PKIA: variants seen among roughly 807,000 people sequenced by gnomAD.
PKIA encodes PKI-alpha.
Under a neutral mutation model 7.6 loss-of-function variants are expected in PKIA, and 4 were observed. The ratio of observed to expected loss-of-function variants is 0.52; its 90% CI spans 0.26 to 1.20. The LOEUF (loss-of-function observed/expected upper bound fraction) is 1.20, where lower values mean the gene tolerates loss of function less well. PKIA is among the 50% of genes most tolerant of loss of function. The pLI is 0.13. For synonymous variants in PKIA, 21 were observed against 30.7 expected, an observed-to-expected ratio of 0.68 and a Z score of 1.04; for missense variants, 73 against 86.2, an observed-to-expected ratio of 0.85 and a Z score of 0.61.
intron 1 of PKIA, among the ~76,000 whole-genome samples, chr8:78,517,487 T>C (rs1376053746): frequency 6.6e-6 from 1 of 152,204 alleles, no homozygotes; most frequent in Non-Finnish European, 1.5e-5. Context: ...AGCTAGCTGT[T>C]AAGATTTGGG....
chr8:78,557,413 A>G (rs1807166183), intron 1 of PKIA, among the ~76,000 whole-genome samples: 1 of 152,210 alleles, frequency 6.6e-6, no homozygotes, highest in African/African-American at 2.4e-5. Context: ...ACCAAAAAGA[A>G]TAATGACATT....
rs1808441039 is a variant in PKIA, at chr8:78,605,043, G to A, written c.*3222G>A. On this transcript the variant is annotated 3_prime_UTR_variant, in exon 4 of 4. Transcript: ENST00000396418. ...AACTGCCGGGCAGCAAAGCTTCTAA[G>A]TGAAACCTGTAGTAGCAGTAGTAGT... The A allele has an allele frequency of 1.3e-5, 2 of 151,978 alleles. No homozygotes were observed. Among genetic ancestry groups the A allele is most frequent in the Non-Finnish European group, 2.9e-5 (2 of 67,962 alleles). The allele number at this position is 151,978 out of a possible 1,614,324, so 9.4% of individuals were successfully genotyped here. A position where few individuals can be genotyped will look rare whatever the true frequency, so the allele number is the denominator to read the frequency against.
At chr8:78,564,464 AC>A (rs1016175303) in intron 1 of PKIA, among the ~76,000 whole-genome samples, 2 of 152,034 alleles carry the variant, frequency 1.3e-5, no homozygotes, top group African/African-American at 4.8e-5. Context: ...AAGAAATGGA[AC>A]ATGAGGGTCC....
chr8:78,593,984 T>C (rs977536895), intron 2 of PKIA, among the ~76,000 whole-genome samples: 1 of 152,218 alleles, frequency 6.6e-6, no homozygotes, highest in Non-Finnish European at 1.5e-5. Flanking sequence ...ATTGGTCAGT[T>C]CTATTTAACA....
chr8:78,577,623 T>C (rs1807706188), intron 2 of PKIA, among the ~76,000 whole-genome samples: 1 of 152,032 alleles, frequency 6.6e-6, no homozygotes, highest in Non-Finnish European at 1.5e-5. Context: ...ACAATTTATA[T>C]ACTAAACTAC....
intron 1 of PKIA, among the ~76,000 whole-genome samples, chr8:78,527,747 A>AAT (rs1466743904): frequency 1.3e-5 from 2 of 152,074 alleles, no homozygotes; most frequent in Non-Finnish European, 2.9e-5. Flanking sequence ...TAAGAACAAC[A>AAT]ATATAGTTGC....
At chr8:78,544,647 T>C (rs1806778823) in intron 1 of PKIA, among the ~76,000 whole-genome samples, 1 of 152,198 alleles carries the variant, frequency 6.6e-6, no homozygotes, top group South Asian at 2.1e-4. Context: ...ATACTTTTCA[T>C]CTATTAATCC....
chr8:78,541,125 T>C (rs539767930), intron 1 of PKIA, among the ~76,000 whole-genome samples: 2 of 152,280 alleles, frequency 1.3e-5, no homozygotes, highest in Non-Finnish European at 2.9e-5. Flanking sequence ...TGAATCCATC[T>C]ACTATCATCG....
intron 2 of PKIA, among the ~76,000 whole-genome samples, chr8:78,575,914 G>A (rs774888433): frequency 6.6e-6 from 1 of 151,998 alleles, no homozygotes; most frequent in Admixed American, 6.6e-5. Flanking sequence ...CTGGAGGTTA[G>A]AAGTCCAGAA....
intron 2 of PKIA, 37 bp from the exon 3 acceptor site, chr8:78,598,321 C>T (rs1808275966): frequency 7.7e-7 from 1 of 1,290,932 alleles, no homozygotes; most frequent in Admixed American, 1.8e-5. Flanking sequence ...CATTGACTAC[C>T]ATTATATTCA....
intron 3 of PKIA, 35 bp downstream of exon 3, chr8:78,598,570 G>A (rs372200363): frequency 6.4e-7 from 1 of 1,560,524 alleles, no homozygotes. Context: ...CTATGAGCAT[G>A]GAATGATTTG....
intron 1 of PKIA, among the ~76,000 whole-genome samples, chr8:78,544,706 T>C (rs1806779445): frequency 6.6e-6 from 1 of 152,182 alleles, no homozygotes; most frequent in Non-Finnish European, 1.5e-5. Context: ...GTCATGTAAA[T>C]GTCCAGTGTA....
chr8:78,530,522 C>CT (rs796791465), intron 1 of PKIA, among the ~76,000 whole-genome samples: 12 of 150,434 alleles, frequency 8.0e-5, no homozygotes, highest in South Asian at 2.1e-4. Flanking sequence ...TTTAATTAAA[C>CT]TTTTTTTTTT....
At chr8:78,571,750 A>T (rs1253969363) in intron 1 of PKIA, among the ~76,000 whole-genome samples, 1 of 152,062 alleles carries the variant, frequency 6.6e-6, no homozygotes, top group African/African-American at 2.4e-5. Context: ...TTCTTCTCTC[A>T]GGCTCTGCTT....
chr8:78,554,645 CAT>C (rs776868038), intron 1 of PKIA, among the ~76,000 whole-genome samples: 103 of 151,956 alleles, frequency 6.8e-4, no homozygotes, highest in Non-Finnish European at 9.4e-4. Flanking sequence ...CTAATACAGA[CAT>C]AATAACAAGC....
At chr8:78,519,471 G>T (rs1030165585) in intron 1 of PKIA, among the ~76,000 whole-genome samples, 9 of 152,016 alleles carry the variant, frequency 5.9e-5, no homozygotes, top group Non-Finnish European at 1.2e-4. Context: ...TAAAAGTTCA[G>T]AAATGTTGAA....
chr8:78,576,895 A>G (rs1585913752), intron 2 of PKIA, among the ~76,000 whole-genome samples: 1 of 152,198 alleles, frequency 6.6e-6, no homozygotes, highest in East Asian at 1.9e-4. Flanking sequence ...TGTTCTTTGC[A>G]GCACCATTCA....
intron 1 of PKIA, among the ~76,000 whole-genome samples, chr8:78,517,135 T>G (rs1809331566): frequency 6.6e-6 from 1 of 152,222 alleles, no homozygotes; most frequent in Non-Finnish European, 1.5e-5. Context: ...CGTCAGCTCT[T>G]ATCCACCACC....
At chr8:78,590,409 A>G (rs759070154) in intron 2 of PKIA, among the ~76,000 whole-genome samples, 20 of 152,140 alleles carry the variant, frequency 1.3e-4, no homozygotes, top group Non-Finnish European at 2.4e-4. Context: ...CAGATTCCAC[A>G]TTGAAAAAAA....
Sources: gnomAD v4.1 joint callset for allele counts (sites outside exome capture counted in the v4.1 genomes callset) on GRCh38, gnomAD v4.1.1 for gene constraint, MANE v1.5 for transcripts, NCBI Gene and HGNC (gene_info 2026-07-23, HGNC 2026-07-21) for gene names.